ARK2C: variants seen among roughly 807,000 people sequenced by gnomAD.
The protein encoded by ARK2C is E3 ubiquitin-protein ligase ARK2C.
chr18:46,429,266 T>A, the ARK2C span, among the ~76,000 whole-genome samples: 1 of 152,236 alleles, frequency 6.6e-6, no homozygotes, highest in Non-Finnish European at 1.5e-5. Flanking sequence ...TAAAAATTGA[T>A]CAGTGACATG....
chr18:46,382,956 CTCT>C, the ARK2C span, among the ~76,000 whole-genome samples: 1 of 152,250 alleles, frequency 6.6e-6, no homozygotes, highest in Non-Finnish European at 1.5e-5. Flanking sequence ...CAACGTCATA[CTCT>C]TCTTGGCATG....
At chr18:46,447,309 G>C in the ARK2C span, 10 of 424,566 alleles carry the variant, frequency 2.4e-5, no homozygotes, top group Non-Finnish European at 4.2e-5. Context: ...AGGGAGCTTT[G>C]GTCCCCTAGT....
At chr18:46,388,657 C>A in the ARK2C span, among the ~76,000 whole-genome samples, 1 of 152,090 alleles carries the variant, frequency 6.6e-6, no homozygotes, top group Admixed American at 6.6e-5. Flanking sequence ...TTAGGTTCCT[C>A]AAGACATGAA....
chr18:46,434,514 A>C, the ARK2C span, among the ~76,000 whole-genome samples: 1 of 152,250 alleles, frequency 6.6e-6, no homozygotes, highest in African/African-American at 2.4e-5. Flanking sequence ...TCATTCTTGC[A>C]GAATCTGTGT....
chr18:46,350,966 G>T, the ARK2C span, among the ~76,000 whole-genome samples: 29 of 152,190 alleles, frequency 1.9e-4, no homozygotes, highest in African/African-American at 5.8e-4. Flanking sequence ...CCCCTGGCGT[G>T]TGTGCAGGAG....
At chr18:46,398,866 T>C in the ARK2C span, among the ~76,000 whole-genome samples, 6 of 151,866 alleles carry the variant, frequency 4.0e-5, no homozygotes, top group African/African-American at 1.5e-4. Flanking sequence ...TTATCTCAAA[T>C]GAGACACGTC....
the ARK2C span, among the ~76,000 whole-genome samples, chr18:46,361,925 C>T: frequency 3.3e-5 from 5 of 152,242 alleles, no homozygotes; most frequent in African/African-American, 7.2e-5. Flanking sequence ...CTACTTCATG[C>T]CCCGTTTCCC....
the ARK2C span, chr18:46,457,943 G>A: frequency 1.3e-5 from 2 of 152,598 alleles, no homozygotes; most frequent in Admixed American, 6.5e-5. Context: ...CCCTCAGCTT[G>A]GTTTGGGAGT....
At chr18:46,421,972 A>G in the ARK2C span, among the ~76,000 whole-genome samples, 2 of 152,112 alleles carry the variant, frequency 1.3e-5, no homozygotes, top group African/African-American at 4.8e-5. Context: ...ACTCCATTGG[A>G]CTGGGAACCA....
At chr18:46,394,290 T>A in the ARK2C span, among the ~76,000 whole-genome samples, 1 of 152,202 alleles carries the variant, frequency 6.6e-6, no homozygotes, top group Non-Finnish European at 1.5e-5. Flanking sequence ...CCTGGGAATC[T>A]CTAGTTGCGT....
At chr18:46,441,847 G>A in the ARK2C span, among the ~76,000 whole-genome samples, 2 of 109,180 alleles carry the variant, frequency 1.8e-5, no homozygotes, top group Non-Finnish European at 3.6e-5. Context: ...GGGCGAAAGA[G>A]CGAGACTCCA....
chr18:46,433,516 C>A, the ARK2C span: 1 of 1,586,730 alleles, frequency 6.3e-7, no homozygotes, highest in South Asian at 1.2e-5. Flanking sequence ...GTTGGTGCTG[C>A]CTGGGGCGGA....
At chr18:46,364,971 T>G in the ARK2C span, among the ~76,000 whole-genome samples, 1 of 152,080 alleles carries the variant, frequency 6.6e-6, no homozygotes, top group Non-Finnish European at 1.5e-5. Context: ...TCTCCTACAC[T>G]CTCAGAGGTC....
At chr18:46,397,568 G>GCATGTGGTA in the ARK2C span, among the ~76,000 whole-genome samples, 1 of 118,482 alleles carries the variant, frequency 8.4e-6, no homozygotes, top group Non-Finnish European at 1.8e-5. Flanking sequence ...GGGTGTGTGT[G>GCATGTGGTA]TGTGTGTGGT....
At chr18:46,414,404 G>A in the ARK2C span, among the ~76,000 whole-genome samples, 2 of 152,258 alleles carry the variant, frequency 1.3e-5, no homozygotes, top group African/African-American at 4.8e-5. Flanking sequence ...CCATGGGGCA[G>A]GTTGTGGAGA....
At chr18:46,338,144 G>T in the ARK2C span, among the ~76,000 whole-genome samples, 3 of 152,288 alleles carry the variant, frequency 2.0e-5, no homozygotes, top group East Asian at 3.9e-4. Context: ...TAACTTTTCT[G>T]TTTGCTGTCT....
chr18:46,369,215 G>A, the ARK2C span, among the ~76,000 whole-genome samples: 1 of 152,174 alleles, frequency 6.6e-6, no homozygotes, highest in East Asian at 1.9e-4. Flanking sequence ...GCAACGTGTG[G>A]TTGTTTCCAG....
chr18:46,334,147 C>A, the ARK2C span: 1 of 336,494 alleles, frequency 3.0e-6, no homozygotes, highest in Non-Finnish European at 4.2e-6. This position sits in a 1 kb window ranked among gnomAD's most constrained non-coding sequence, Gnocchi z 4.4. Context: ...CCGCCGCCCG[C>A]GCCCCGCGCT....
the ARK2C span, among the ~76,000 whole-genome samples, chr18:46,413,352 T>C: frequency 6.6e-6 from 1 of 152,000 alleles, no homozygotes; most frequent in Non-Finnish European, 1.5e-5. Context: ...CTATCTGCAT[T>C]AGCCTGTCCC....
Sources: allele counts gnomAD v4.1 joint callset (sites outside exome capture counted in the v4.1 genomes callset), GRCh38; gene constraint gnomAD v4.1.1; non-coding constraint Gnocchi (gnomAD v3.1); transcripts MANE v1.5; gene names NCBI Gene and HGNC (gene_info 2026-07-23, HGNC 2026-07-21).